PIK3C2G: variants seen among roughly 807,000 people sequenced by gnomAD.
The protein encoded by PIK3C2G is phosphatidylinositol 3-kinase C2 domain-containing subunit gamma.
Under a neutral mutation model 181.1 loss-of-function variants are expected in PIK3C2G, and 168 were observed. The observed-to-expected ratio is 0.93, with a 90% CI of 0.82 to 1.05. The LOEUF (loss-of-function observed/expected upper bound fraction) is 1.05. Among genes scored for constraint, PIK3C2G ranks in the 50% least tolerant of loss-of-function variants. The pLI, the probability that PIK3C2G is intolerant of heterozygous loss-of-function variation, is 0.00. For missense variants in PIK3C2G, 1,869 were observed against 1,732.8 expected, an observed-to-expected ratio of 1.08 and a Z score of -1.40; for synonymous variants, 573 against 592.2, an observed-to-expected ratio of 0.97 and a Z score of 0.47.
the PIK3C2G span, among the ~76,000 whole-genome samples, chr12:18,666,644 T>C: frequency 6.6e-6 from 1 of 152,106 alleles, no homozygotes; most frequent in Non-Finnish European, 1.5e-5. Context: ...CAACTTTCAA[T>C]AGGAAAAAGT....
intron 7 of PIK3C2G, among the ~76,000 whole-genome samples, chr12:18,323,211 G>C (rs187321825): frequency 3.3e-4 from 50 of 152,200 alleles, no homozygotes; most frequent in Admixed American, 7.2e-4. Flanking sequence ...GTTAATTCAG[G>C]GCAAAGCAAA....
At chr12:18,725,626 T>C in the PIK3C2G span, among the ~76,000 whole-genome samples, 1 of 152,134 alleles carries the variant, frequency 6.6e-6, no homozygotes, top group Non-Finnish European at 1.5e-5. Context: ...CCCAACTGTA[T>C]TGTGTAGCAT....
intron 18 of PIK3C2G, among the ~76,000 whole-genome samples, chr12:18,466,153 C>T (rs917846577): frequency 6.6e-6 from 1 of 151,558 alleles, no homozygotes; most frequent in Non-Finnish European, 1.5e-5. Context: ...ATTTTTATTA[C>T]TGAAAGTTAT....
intron 24 of PIK3C2G, among the ~76,000 whole-genome samples, chr12:18,509,966 A>G (rs1942101490): frequency 6.6e-6 from 1 of 152,022 alleles, no homozygotes; most frequent in South Asian, 2.1e-4. Flanking sequence ...ACTATTGCCT[A>G]ATTATTATCT....
At position 18,507,670 on chromosome 12, in the gene PIK3C2G, C is replaced by CT. The variant is rs201646776; in HGVS notation, c.3323+2218dup. On this transcript the variant is annotated intron_variant, in intron 24 of 32. Transcript: ENST00000538779. ...AAATTCAAAGATTCAGTTTGGACAT[C>CT]TTTTTTTTTAATTTTGATGTTTTGT... Among the ~76,000 whole-genome samples the CT allele has an allele frequency of 4.0e-5, 6 of 151,202 alleles. No individual in the cohort carries two copies. In the East Asian group the frequency reaches 5.8e-4, roughly 15 times the overall value.
At chr12:18,453,074 A>G (rs1217402336) in intron 18 of PIK3C2G, among the ~76,000 whole-genome samples, 3 of 152,196 alleles carry the variant, frequency 2.0e-5, no homozygotes, top group Admixed American at 1.3e-4. Context: ...GTAGATGTCT[A>G]TTAGGTTTGC....
chr12:18,510,254 C>A (rs1330832437), intron 24 of PIK3C2G, among the ~76,000 whole-genome samples: 1 of 152,226 alleles, frequency 6.6e-6, no homozygotes, highest in South Asian at 2.1e-4. Context: ...GCATGTGCCA[C>A]AGTGCCCGAC....
intron 29 of PIK3C2G, among the ~76,000 whole-genome samples, chr12:18,579,549 GTCTC>G (rs144472483): frequency 6.7e-6 from 1 of 150,364 alleles, no homozygotes; most frequent in Non-Finnish European, 1.5e-5. Context: ...TCCTCTGTCT[GTCTC>G]TCTCTCTCTC....
chr12:18,311,530 GGTGTGT>G (rs150381184), intron 5 of PIK3C2G, among the ~76,000 whole-genome samples: 1 of 148,672 alleles, frequency 6.7e-6, no homozygotes, highest in Non-Finnish European at 1.5e-5. Context: ...GGTATAAAGG[GGTGTGT>G]GTGTGTGTGT....
At chr12:18,667,669 G>C in the PIK3C2G span, among the ~76,000 whole-genome samples, 1 of 152,132 alleles carries the variant, frequency 6.6e-6, no homozygotes, top group African/African-American at 2.4e-5. Flanking sequence ...AAGGCATTGT[G>C]CTACTGCTTT....
chr12:18,520,512 T>C lies in PIK3C2G; in HGVS notation c.3323+15051T>C, dbSNP rs1043219191. Among the ~76,000 whole-genome samples the C allele has an allele frequency of 2.6e-5, 4 of 152,222 alleles. No homozygotes were observed. The South Asian group carries it at 8.3e-4, about 31-fold the overall frequency. Reference sequence around the variant, plus strand: ...TCTTCCATTTGGTCAACTAAGCTATTGATACTTGTTTATGCTTCACGAAGT... The same window carrying C: ...TCTTCCATTTGGTCAACTAAGCTATCGATACTTGTTTATGCTTCACGAAGT... On this transcript the variant is annotated intron_variant, in intron 24 of 32. Transcript: ENST00000538779.
At chr12:18,295,608 C>A (rs1022529300) in intron 5 of PIK3C2G, among the ~76,000 whole-genome samples, 43 of 151,930 alleles carry the variant, frequency 2.8e-4, no homozygotes, top group African/African-American at 1.0e-3. Context: ...AATAAATGTA[C>A]ATGTTAATGT....
chr12:18,667,456 C>T, the PIK3C2G span, among the ~76,000 whole-genome samples: 3 of 152,128 alleles, frequency 2.0e-5, no homozygotes, highest in Non-Finnish European at 4.4e-5. Context: ...TCTTTGACAA[C>T]ACTAAGTACT....
At position 18,270,382 on chromosome 12, in the gene PIK3C2G, T is replaced by C. The variant is rs565941214; in HGVS notation, c.-79+8805T>C. Among the ~76,000 whole-genome samples the C allele has an allele frequency of 1.7e-3, 253 of 152,286 alleles. 2 individuals carry two copies. Among genetic ancestry groups the C allele is most frequent in the African/African-American group, 5.4e-3 (224 of 41,576 alleles). On this transcript the variant is annotated intron_variant, in intron 1 of 32. Transcript: ENST00000538779. The stretch of plus-strand genomic sequence containing the variant: ...ACTCTCTTGAGCCCATCTTTTTTTT[T>C]TCTCTCTCATTAACCCCTGTTACCT...
At chr12:18,638,662 A>G (rs1190317665) in intron 31 of PIK3C2G, among the ~76,000 whole-genome samples, 1 of 152,150 alleles carries the variant, frequency 6.6e-6, no homozygotes, top group Non-Finnish European at 1.5e-5. Flanking sequence ...ACACCCTTAC[A>G]GACAAACCTA....
chr12:18,577,060 T>A (rs1480093266), intron 29 of PIK3C2G, among the ~76,000 whole-genome samples: 1 of 152,172 alleles, frequency 6.6e-6, no homozygotes, highest in East Asian at 1.9e-4. Context: ...GGCATCTGAT[T>A]TCTGGGACTG....
intron 31 of PIK3C2G, among the ~76,000 whole-genome samples, chr12:18,617,544 G>A (rs549490092): frequency 1.3e-5 from 2 of 152,142 alleles, no homozygotes; most frequent in East Asian, 1.9e-4. Context: ...ATAACTAAGG[G>A]CTGAAATCTA....
At chr12:18,633,266 TATAC>T (rs1486759223) in intron 31 of PIK3C2G, among the ~76,000 whole-genome samples, 1 of 152,106 alleles carries the variant, frequency 6.6e-6, no homozygotes, top group Non-Finnish European at 1.5e-5. Flanking sequence ...GTAACAAATA[TATAC>T]ATAAACACAT....
At chr12:18,325,185 A>G (rs1351695576) in intron 8 of PIK3C2G, 87 bp downstream of exon 8, 2 of 644,410 alleles carry the variant, frequency 3.1e-6, no homozygotes, top group East Asian at 2.9e-5. Flanking sequence ...AATTTTGAAG[A>G]TGACAAAAAT....
Sources: gnomAD v4.1 joint callset for allele counts (sites outside exome capture counted in the v4.1 genomes callset) on GRCh38, gnomAD v4.1.1 for gene constraint, MANE v1.5 for transcripts, NCBI Gene and HGNC (gene_info 2026-07-23, HGNC 2026-07-21) for gene names.